The following ZNF513 variants were observed in gnomAD, a reference collection of about 807,000 sequenced individuals.
ZNF513 encodes the protein zinc finger protein 513.
Under a neutral mutation model 39.7 loss-of-function variants are expected in ZNF513, and 16 were observed. The ratio of observed to expected loss-of-function variants is 0.40; its 90% CI spans 0.27 to 0.61. The LOEUF is 0.61. ZNF513 is among the 20% of genes least tolerant of loss of function. The pLI is 0.39. For missense variants in ZNF513, 699 were observed against 743.6 expected (o/e 0.94, Z 0.70); for synonymous variants, 348 against 296.5 (o/e 1.17, Z -1.79).
Position 27,378,924 on chromosome 2 carries a change from C to T in ZNF513, c.342G>A (p.Glu114=). Reference sequence around the variant, plus strand: ...ACAGCTGGCAGGCTGGGCCTGGCCTCTCACCCCTGGCCTCCCCTGGACCCC... The same window carrying T: ...ACAGCTGGCAGGCTGGGCCTGGCCTTTCACCCCTGGCCTCCCCTGGACCCC... ...PARGPGEARG[E]RPGPACQLCG... The change falls in exon 3 of 4, where the codon GAG becomes GAA. Residue 114 remains glutamate, a synonymous_variant. Transcript: ENST00000323703. The surrounding 1 kb of genome is among the most constrained non-coding windows in gnomAD (Gnocchi z 8.0). 1 of 1,608,374 alleles carries T rather than the reference C, an allele frequency of 6.2e-7. No individual in the cohort carries two copies. Among genetic ancestry groups the T allele is most frequent in the Non-Finnish European group, 8.5e-7 (1 of 1,177,128 alleles).
chr2:27,380,014 T>C (rs1683550307), intron 2 of ZNF513, 79 bp downstream of exon 2: 1 of 1,586,040 alleles, frequency 6.3e-7, no homozygotes, highest in Non-Finnish European at 8.7e-7. Context: ...GGAAATGGTG[T>C]TCTGTTCACC....
Position 27,380,540 on chromosome 2 carries a change from A to G in ZNF513, c.-14T>C, listed in dbSNP as rs1435881997. On this transcript the variant is annotated 5_prime_UTR_variant, in exon 1 of 4. Transcript: ENST00000323703. The stretch of plus-strand genomic sequence containing the variant: ...CCTTCGGGGCATCGTGACCGGCTCC[A>G]GCCCGACGCGCCTCCGGCCTGCGGC... 3 of 1,558,078 alleles carry G rather than the reference A, an allele frequency of 1.9e-6. No homozygotes were observed. The highest frequency in any genetic ancestry group is 2.8e-5 in the African/African-American group (2 of 71,494).
chr2:27,380,232 G>A lies in ZNF513; in HGVS notation c.72C>T (p.Ser24=), dbSNP rs2148415187. 6.2e-7 allele frequency: 1 copy of A among 1,613,792 alleles called. No homozygotes were observed. The highest frequency in any genetic ancestry group is 8.5e-7 in the Non-Finnish European group (1 of 1,179,958). The change falls in exon 2 of 4, where the codon TCC becomes TCT. Residue 24 remains serine (S), a synonymous_variant. Transcript: ENST00000323703. ...CCAGGGCCCCGGGTCCTTCGTCGAGGGAGTCTTCAGTATCCACTGAAGAGG... is the reference window on the plus strand; with the variant it reads ...CCAGGGCCCCGGGTCCTTCGTCGAGAGAGTCTTCAGTATCCACTGAAGAGG... ...CEGVKVDTED[S]LDEGPGALVL...
At chr2:27,380,391 G>A in intron 1 of ZNF513, 81 bp downstream of exon 1, 1 of 1,579,650 alleles carries the variant, frequency 6.3e-7, no homozygotes, top group Non-Finnish European at 8.6e-7. Context: ...CATCCCTCAG[G>A]AGTCCCCCTC....
Position 27,378,160 on chromosome 2 carries a change from C to T in ZNF513, c.1011G>A (p.Gly337=), listed in dbSNP as rs917977091. The T allele has an allele frequency of 2.5e-6, 4 of 1,613,380 alleles. No homozygotes were observed. The highest frequency in any genetic ancestry group is 3.4e-6 in the Non-Finnish European group (4 of 1,179,968). Residue 337 remains glycine, a synonymous_variant, in exon 4 of 4, where the codon GGG becomes GGA. Transcript: ENST00000323703. This position sits in a 1 kb window ranked among gnomAD's most constrained non-coding sequence, Gnocchi z 8.0. ...EGSRLGAAMC[G]RCMRGEAGGG... ...CTCCAGCCTCTCCTCGCATGCAGCGCCCACACATGGCAGCTCCCAGCCGAC... is the reference window on the plus strand; with the variant it reads ...CTCCAGCCTCTCCTCGCATGCAGCGTCCACACATGGCAGCTCCCAGCCGAC...
rs1683405339 is a variant in ZNF513 at position 27,377,815 on chromosome 2, G to C, written c.1356C>G (p.Ser452Arg). ...GTTTGAGGTTCATGCTCTGGTTGCA[G>C]CTGTAGTTGCAAAGGCTACACCGAA... ...KPFRCSLCNY[S>R]CNQSMNLKRH... Residue 452 changes from serine to arginine, a missense_variant, in exon 4 of 4, where the codon AGC becomes AGG. Ser to Arg is a moderately radical substitution (Grantham distance 110). Around this residue, in one of 3 missense-constraint regions of ZNF513, gnomAD observed 98 missense variants for 180.2 expected, o/e 0.54. Transcript: ENST00000323703. The surrounding 1 kb of genome is among the most constrained non-coding windows in gnomAD (Gnocchi z 4.4). The C allele has an allele frequency of 6.2e-7, 1 of 1,614,210 alleles. No individual in the cohort carries two copies. Among genetic ancestry groups the C allele is most frequent in the South Asian group, 1.1e-5 (1 of 91,080 alleles).
intron 2 of ZNF513, among the ~76,000 whole-genome samples, chr2:27,379,323 G>A (rs1683512241): frequency 6.6e-6 from 1 of 152,194 alleles, no homozygotes; most frequent in East Asian, 1.9e-4. Flanking sequence ...AGGGCTCACA[G>A]TGGATCACAG....
At position 27,378,439 on chromosome 2, in the gene ZNF513, A is replaced by G. The variant is rs917948555; in HGVS notation, c.799+28T>C. On this transcript the variant is annotated intron_variant, in intron 3 of 3. Coordinates refer to ENST00000323703, the MANE Select transcript of ZNF513 (RefSeq NM_144631.6). The surrounding 1 kb of genome is among the most constrained non-coding windows in gnomAD (Gnocchi z 8.0). ...TCCTAGGGTCAGCCACCCATGTCCC[A>G]AGATCTTTGGTCCCTGGTGTGTCTT... 10 of 1,613,682 alleles carry G rather than the reference A, an allele frequency of 6.2e-6. No homozygotes were observed. In the Admixed American group the frequency reaches 1.0e-4, roughly 16 times the overall value.
In ZNF513 at chr2:27,377,692, C is replaced by T. The variant is rs932254963; in HGVS notation, c.1479G>A (p.Val493=). The change falls in exon 4 of 4, where the codon GTG becomes GTA. Residue 493 remains valine (V), a synonymous_variant. Transcript: ENST00000323703. This position sits in a 1 kb window ranked among gnomAD's most constrained non-coding sequence, Gnocchi z 4.4. Reference sequence around the variant, plus strand: ...GCCCTCCTGCCCCACCGTGGCCATGCACCTTCTGGTGGCGCTTGTAGTTGT... The same window carrying T: ...GCCCTCCTGCCCCACCGTGGCCATGTACCTTCTGGTGGCGCTTGTAGTTGT... The part of the protein sequence containing the change: ...HWDNYKRHQK[V]HGHGGAGGPG... 1.2e-6 allele frequency: 2 copies of T among 1,614,084 alleles called. No homozygotes were observed. The highest frequency in any genetic ancestry group is 1.3e-5 in the African/African-American group (1 of 74,938).
Position 27,380,195 on chromosome 2 carries a change from C to T in ZNF513, c.109G>A (p.Asp37Asn), listed in dbSNP as rs1156344338. 2 of 1,614,098 alleles carry T rather than the reference C, an allele frequency of 1.2e-6. No homozygotes were observed. Among genetic ancestry groups the T allele is most frequent in the East Asian group, 2.2e-5 (1 of 44,856 alleles). The change falls in exon 2 of 4, where the codon GAT (aspartate) becomes AAT (asparagine). Residue 37 changes from aspartate to asparagine, a missense_variant. Transcript: ENST00000323703. The stretch of plus-strand genomic sequence containing the variant: ...TCCAGATCCTGGCCTAGTAGCAAAT[C>T]ACTCTCCAATACCAGGGCCCCGGGT... ...EGPGALVLES[D>N]LLLGQDLEFE...
In ZNF513 at chr2:27,379,060, GAAATAGA is replaced by G; in HGVS notation, c.212-13_212-7del. The G allele has an allele frequency of 6.2e-7, 1 of 1,612,172 alleles. No individual in the cohort carries two copies. The highest frequency in any genetic ancestry group is 1.1e-5 in the South Asian group (1 of 91,024). ...CCTGGCCCCCAGAGAGTCTCCTGGT[GAAATAGA>G]CATAAGAAGAGACATCAGCATAGGG... On this transcript the variant is annotated splice_polypyrimidine_tract_variant and splice_region_variant and intron_variant, in intron 2 of 3. Transcript: ENST00000323703.
chr2:27,380,075 C>A lies in ZNF513; in HGVS notation c.211+18G>T. On this transcript the variant is annotated intron_variant, in intron 2 of 3. Coordinates refer to ENST00000323703, the MANE Select transcript of ZNF513 (RefSeq NM_144631.6). ...TCTCCAGCGGCCGCTAATCCTTAACCAAGACCCGAAAACCCACCTTCCGAG... is the reference window on the plus strand; with the variant it reads ...TCTCCAGCGGCCGCTAATCCTTAACAAAGACCCGAAAACCCACCTTCCGAG... 4 of 1,613,992 alleles carry A rather than the reference C, an allele frequency of 2.5e-6. No individual in the cohort carries two copies. Among genetic ancestry groups the A allele is most frequent in the Non-Finnish European group, 3.4e-6 (4 of 1,180,004 alleles).
chr2:27,380,301 AC>A, intron 1 of ZNF513, 53 bp from the exon 2 acceptor site: 1 of 1,612,924 alleles, frequency 6.2e-7, no homozygotes, highest in Non-Finnish European at 8.5e-7. Flanking sequence ...GCCCTCGTGG[AC>A]CACACTTCCC....
Position 27,379,070 on chromosome 2 carries a change from TAAG to T in ZNF513, c.212-19_212-17del, listed in dbSNP as rs765013024. ...AGAGAGTCTCCTGGTGAAATAGACATAAGAAGAGACATCAGCATAGGGTAGGAT... is the reference window on the plus strand; with the variant it reads ...AGAGAGTCTCCTGGTGAAATAGACATAAGAGACATCAGCATAGGGTAGGAT... On this transcript the variant is annotated splice_polypyrimidine_tract_variant and intron_variant, in intron 2 of 3. Coordinates refer to ENST00000323703, the MANE Select transcript of ZNF513 (RefSeq NM_144631.6). The T allele has an allele frequency of 5.2e-5, 84 of 1,610,522 alleles. No homozygotes were observed. The East Asian group carries it at 1.0e-3, about 20-fold the overall frequency.
Position 27,380,490 on chromosome 2 carries a change from T to G in ZNF513, c.37A>C (p.Lys13Gln). ...RRKQSHPQPV[K>Q]CEGVKVDTED... The stretch of plus-strand genomic sequence containing the variant: ...CCCTGACCTTTGACCCCCTCGCATT[T>G]CACGGGCTGCGGGTGGCTTTGCTTC... The change falls in exon 1 of 4, where the codon AAA becomes CAA. Residue 13 changes from lysine to glutamine, a missense_variant. This residue lies in a region of ZNF513 where 530 missense variants were observed against 499.3 expected (regional missense o/e 1.06). Transcript: ENST00000323703. 6.3e-7 allele frequency: 1 copy of G among 1,588,936 alleles called. No homozygotes were observed.
At chr2:27,379,634 G>C (rs1228051412) in intron 2 of ZNF513, among the ~76,000 whole-genome samples, 3 of 152,178 alleles carry the variant, frequency 2.0e-5, no homozygotes, top group Admixed American at 1.3e-4. Flanking sequence ...GTAGGGTGAT[G>C]CTAAGATCAC....
rs146066701 is a variant in ZNF513 at position 27,377,683 on chromosome 2, G to A, written c.1488C>T (p.His496=). 169 of 1,614,188 alleles carry A rather than the reference G, an allele frequency of 1.0e-4. 1 individual carries two copies. The African/African-American group carries it at 1.6e-3, about 15-fold the overall frequency. The stretch of plus-strand genomic sequence containing the variant: ...AGAGACCAGGCCCTCCTGCCCCACC[G>A]TGGCCATGCACCTTCTGGTGGCGCT... ...NYKRHQKVHG[H]GGAGGPGLSA... Residue 496 remains histidine, a synonymous_variant, in exon 4 of 4, where the codon CAC becomes CAT. Coordinates refer to ENST00000323703, the MANE Select transcript of ZNF513 (RefSeq NM_144631.6). The surrounding 1 kb of genome is among the most constrained non-coding windows in gnomAD (Gnocchi z 4.4).
At position 27,380,463 on chromosome 2, in the gene ZNF513, A is replaced by AC; in HGVS notation, c.55+8dup. On this transcript the variant is annotated intron_variant, in intron 1 of 3. Coordinates refer to ENST00000323703, the MANE Select transcript of ZNF513 (RefSeq NM_144631.6). ...CGCTCCTCTCCCCTCAAGGCCCCTG[A>AC]CCCCTGACCTTTGACCCCCTCGCAT... The AC allele has an allele frequency of 6.4e-7, 1 of 1,570,118 alleles. No individual in the cohort carries two copies. Among genetic ancestry groups the AC allele is most frequent in the Non-Finnish European group, 8.6e-7 (1 of 1,156,212 alleles).
Position 27,380,698 on chromosome 2 carries a change from CCCGCCGCCG to C in ZNF513, c.-181_-173del, listed in dbSNP as rs1282763709. On this transcript the variant is annotated 5_prime_UTR_variant, in exon 1 of 4. Transcript: ENST00000323703. ...GCCCCGGCGCCCAGCTCAGGCCGCT[CCCGCCGCCG>C]CCGCCGCTTCCATTCATGGAGCCCC... 1.8e-6 allele frequency: 2 copies of C among 1,141,252 alleles called. 1 individual carries two copies. Among genetic ancestry groups the C allele is most frequent in the South Asian group, 8.8e-5 (2 of 22,856 alleles). The allele number at this position is 1,141,252 out of a possible 1,614,324, so 70.7% of individuals were successfully genotyped here.
Sources: gnomAD v4.1 joint callset for allele counts (sites outside exome capture counted in the v4.1 genomes callset) on GRCh38, gnomAD v4.1.1 for gene constraint, gnomAD v4.1.1 regional missense constraint, Gnocchi (gnomAD v3.1) non-coding constraint, MANE v1.5 for transcripts, NCBI Gene and HGNC (gene_info 2026-07-23, HGNC 2026-07-21) for gene names.